SLC4A5: variants seen among roughly 807,000 people sequenced by gnomAD.
SLC4A5 encodes the protein solute carrier family 4 member 5.
In SLC4A5, 96 loss-of-function variants were observed where a neutral mutation model predicts 120.4. The observed-to-expected ratio is 0.80, with a 90% CI of 0.68 to 0.94. The LOEUF is 0.94. Among genes scored for constraint, SLC4A5 ranks in the 40% least tolerant of loss-of-function variants. The pLI is 0.00. For missense variants in SLC4A5, 1,259 were observed against 1,459.5 expected, an observed-to-expected ratio of 0.86 and a Z score of 2.24; for synonymous variants, 550 against 571.1, an observed-to-expected ratio of 0.96 and a Z score of 0.53.
chr2:74,233,652 T>C, intron 22 of SLC4A5, 89 bp from the exon 23 acceptor site: 2 of 1,421,652 alleles, frequency 1.4e-6, no homozygotes, highest in Non-Finnish European at 1.9e-6. Context: ...CCTCCTCAAC[T>C]TTCCCTGACT....
chr2:74,253,451 A>G (rs1238090410), intron 14 of SLC4A5, among the ~76,000 whole-genome samples: 1 of 152,210 alleles, frequency 6.6e-6, no homozygotes, highest in East Asian at 1.9e-4. Context: ...TGTAGAGCCC[A>G]GTCCAAGGAG....
chr2:74,329,047 T>C (rs1255624831), intron 4 of SLC4A5, among the ~76,000 whole-genome samples: 1 of 152,136 alleles, frequency 6.6e-6, no homozygotes, highest in African/African-American at 2.4e-5. Flanking sequence ...AGTTCACACC[T>C]GTCACTCCAG....
At chr2:74,247,341 C>T (rs776898470) in intron 18 of SLC4A5, 34 bp from the exon 19 acceptor site, 1 of 1,593,980 alleles carries the variant, frequency 6.3e-7, no homozygotes, top group South Asian at 1.1e-5. Flanking sequence ...GGGCCTCCAG[C>T]CCAGGGCTCC....
intron 7 of SLC4A5, among the ~76,000 whole-genome samples, chr2:74,300,845 GC>G (rs1672459416): frequency 6.6e-6 from 1 of 152,352 alleles, no homozygotes; most frequent in African/African-American, 2.4e-5. Flanking sequence ...GGACAAGGAT[GC>G]CTGGGCTGGC....
At chr2:74,287,071 C>T (rs999734621) in intron 7 of SLC4A5, among the ~76,000 whole-genome samples, 5 of 152,170 alleles carry the variant, frequency 3.3e-5, no homozygotes, top group Admixed American at 6.5e-5. Flanking sequence ...TGCCCTGCCC[C>T]GACGCAATCT....
intron 29 of SLC4A5, 37 bp from the exon 30 acceptor site, chr2:74,221,538 G>A (rs200493408): frequency 3.7e-6 from 6 of 1,604,946 alleles, no homozygotes; most frequent in African/African-American, 1.3e-5. Flanking sequence ...TGTGGAGCAG[G>A]TTTGAGCACC....
intron 8 of SLC4A5, 114 bp from the exon 9 acceptor site, chr2:74,265,378 T>C: frequency 7.7e-7 from 1 of 1,292,334 alleles, no homozygotes; most frequent in Admixed American, 2.2e-5. Flanking sequence ...GTGGTTGTGG[T>C]GTTGGTCCCA....
intron 4 of SLC4A5, among the ~76,000 whole-genome samples, chr2:74,328,544 T>TA (rs1269583257): frequency 1.3e-5 from 2 of 152,218 alleles, no homozygotes; most frequent in East Asian, 3.8e-4. Context: ...GGAGGGATGT[T>TA]AGAGCTGGAA....
At chr2:74,326,885 A>T (rs1673229500) in intron 5 of SLC4A5, among the ~76,000 whole-genome samples, 1 of 152,148 alleles carries the variant, frequency 6.6e-6, no homozygotes, top group African/African-American at 2.4e-5. Context: ...GTCCTTGCCC[A>T]AGCAGACTGC....
intron 23 of SLC4A5, among the ~76,000 whole-genome samples, chr2:74,232,882 G>C (rs571063296): frequency 5.3e-5 from 8 of 152,216 alleles, no homozygotes; most frequent in Middle Eastern, 3.2e-3. Flanking sequence ...GCTTGGAGAG[G>C]CCCTGGGTTT....
intron 7 of SLC4A5, among the ~76,000 whole-genome samples, chr2:74,298,137 G>A (rs1401061899): frequency 6.6e-6 from 1 of 152,184 alleles, no homozygotes; most frequent in Non-Finnish European, 1.5e-5. Context: ...TTGGTGTGAG[G>A]ATTAATTGAG....
At chr2:74,309,483 A>AG (rs1373973394) in intron 6 of SLC4A5, among the ~76,000 whole-genome samples, 1 of 152,144 alleles carries the variant, frequency 6.6e-6, no homozygotes, top group East Asian at 1.9e-4. Flanking sequence ...GTACTTTTTC[A>AG]GTGTTATGTT....
chr2:74,315,753 T>C (rs927794685), intron 5 of SLC4A5, among the ~76,000 whole-genome samples: 1 of 151,840 alleles, frequency 6.6e-6, no homozygotes, highest in South Asian at 2.1e-4. Context: ...ATAATGATTG[T>C]GCCACTGCAT....
intron 8 of SLC4A5, among the ~76,000 whole-genome samples, chr2:74,283,527 C>T (rs1671878776): frequency 6.6e-6 from 1 of 152,096 alleles, no homozygotes; most frequent in South Asian, 2.1e-4. Flanking sequence ...ATACATGGTA[C>T]GTGGAGTGGG....
intron 7 of SLC4A5, among the ~76,000 whole-genome samples, chr2:74,303,607 G>A (rs1223637405): frequency 6.6e-6 from 1 of 152,166 alleles, no homozygotes; most frequent in Non-Finnish European, 1.5e-5. Context: ...CCATAGGAAA[G>A]AGCAAAAGAC....
At chr2:74,272,474 T>C (rs1042633311) in intron 8 of SLC4A5, among the ~76,000 whole-genome samples, 2 of 152,160 alleles carry the variant, frequency 1.3e-5, no homozygotes, top group South Asian at 4.1e-4. Context: ...CTGTGTACCA[T>C]GGTTGGCTTC....
intron 7 of SLC4A5, among the ~76,000 whole-genome samples, chr2:74,290,017 T>G (rs890070236): frequency 5.9e-5 from 9 of 152,158 alleles, no homozygotes; most frequent in African/African-American, 2.2e-4. Context: ...CCTGCCTTTC[T>G]AGGTTCTAGC....
chr2:74,267,297 G>C (rs1039795984), intron 8 of SLC4A5, among the ~76,000 whole-genome samples: 4 of 152,090 alleles, frequency 2.6e-5, no homozygotes, highest in Admixed American at 1.3e-4. Context: ...CGATTTCTAG[G>C]AAACGATCAC....
At chr2:74,265,116 G>A (rs770673056) in exon 9 of SLC4A5, 22 of 1,613,878 alleles carry the variant, frequency 1.4e-5, no homozygotes, top group Non-Finnish European at 1.5e-5. Flanking sequence ...ATGATCTGTG[G>A]TAAGGAGCCA....
Sources: allele counts gnomAD v4.1 joint callset (sites outside exome capture counted in the v4.1 genomes callset), GRCh38; gene constraint gnomAD v4.1.1; transcripts MANE v1.5; gene names NCBI Gene and HGNC (gene_info 2026-07-23, HGNC 2026-07-21).